MKKS: variants seen among roughly 807,000 people sequenced by gnomAD.
The protein encoded by MKKS is molecular chaperone MKKS.
In MKKS, 29 loss-of-function variants were observed where a neutral mutation model predicts 33.2. That is an observed-to-expected ratio of 0.87 (90% CI 0.65 to 1.19). The LOEUF (loss-of-function observed/expected upper bound fraction) is 1.19, where lower values mean the gene tolerates loss of function less well. Ranked by LOEUF, MKKS falls within the 50% of genes most tolerant of loss-of-function variation. The pLI, the probability that MKKS is intolerant of heterozygous loss-of-function variation, is 0.00. For missense variants in MKKS, 661 were observed against 662.3 expected (o/e 1.00, Z 0.02); for synonymous variants, 260 against 244.0 (o/e 1.07, Z -0.61).
chr20:10,408,828 C>A, intron 3 of MKKS, 25 bp from the exon 4 acceptor site: 2 of 1,581,222 alleles, frequency 1.3e-6, no homozygotes, highest in South Asian at 2.2e-5. Context: ...TTAGAAAATA[C>A]AAGTTGTATA....
chr20:10,407,622 T>C lies in MKKS; in HGVS notation c.1266A>G (p.Arg422=), dbSNP rs1424059028. 1.9e-6 allele frequency: 3 copies of C among 1,613,124 alleles called. No homozygotes were observed. Among genetic ancestry groups the C allele is most frequent in the Non-Finnish European group, 1.7e-6 (2 of 1,179,094 alleles). ...CTETHLAAYI[R]HKTHNDPESI... ...AGAGGATTATCTTACATACCTTGTG[T>C]CTGATATATGCAGCCAAATGAGTTT... The change falls in exon 5 of 6, where the codon AGA becomes AGG. Residue 422 remains arginine, a synonymous_variant. Transcript: ENST00000347364.
At position 10,413,354 on chromosome 20, in the gene MKKS, A is replaced by C. The variant is rs568798307; in HGVS notation, c.161T>G (p.Val54Gly). ...KQLHNGFGGY[V>G]CTTSQSSALL... ...AGCTGAGGACTGTGAGGTTGTACAC[A>C]CGTAACCTCCAAAGCCATTGTGCAG... Residue 54 changes from valine to glycine, a missense_variant, in exon 3 of 6, where the codon GTG (valine) becomes GGG (glycine). Val to Gly is a moderately radical substitution (Grantham distance 109, BLOSUM62 -3). Coordinates refer to ENST00000347364, the MANE Select transcript of MKKS (RefSeq NM_170784.3). The C allele has an allele frequency of 1.9e-6, 3 of 1,613,960 alleles. No homozygotes were observed. The East Asian group carries it at 6.7e-5, about 36-fold the overall frequency.
At position 10,434,201 on chromosome 20, in the gene MKKS, C is replaced by T. The variant is rs1232365597; in HGVS notation, c.-742G>A. ...CCGCTGCTGCCGCGGATCCCGACAA[C>T]CTTCGCGTCGCGCGAGGGCACGGAG... On this transcript the variant is annotated 5_prime_UTR_variant, in exon 1 of 6. Coordinates refer to ENST00000347364, the MANE Select transcript of MKKS (RefSeq NM_170784.3). The T allele has an allele frequency of 2.6e-5, 4 of 152,282 alleles. No individual in the cohort carries two copies. Among genetic ancestry groups the T allele is most frequent in the Non-Finnish European group, 5.9e-5 (4 of 68,094 alleles). 9.4% of individuals were successfully genotyped at this position (152,282 alleles called of 1,614,324 possible). A position where few individuals can be genotyped will look rare whatever the true frequency, so the allele number is the denominator to read the frequency against.
chr20:10,430,937 T>C (rs565640260), intron 1 of MKKS, among the ~76,000 whole-genome samples: 3 of 152,210 alleles, frequency 2.0e-5, no homozygotes, highest in African/African-American at 4.8e-5. Context: ...AGCAAAAGCA[T>C]TGAGTAATGG....
At chr20:10,423,207 G>A (rs1406727285) in intron 1 of MKKS, among the ~76,000 whole-genome samples, 1 of 152,080 alleles carries the variant, frequency 6.6e-6, no homozygotes, top group Non-Finnish European at 1.5e-5. Context: ...GGGAGCCTGA[G>A]GTGGGCGGAT....
chr20:10,414,254 G>A (rs1032614738), intron 2 of MKKS, among the ~76,000 whole-genome samples: 1 of 150,178 alleles, frequency 6.7e-6, no homozygotes, highest in Non-Finnish European at 1.5e-5. Context: ...CAGAGAATTA[G>A]GTCTCTGAGT....
Position 10,412,888 on chromosome 20 carries a change from A to T in MKKS, c.627T>A (p.Val209=). The part of the protein sequence containing the change: ...SLIVPLKGQR[V]IDSTVLPGIL... Reference sequence around the variant, plus strand: ...TCCCAGGTAATACAGTGGAATCTATAACTCTTTGACCTTTTAAAGGTACAA... The same window carrying T: ...TCCCAGGTAATACAGTGGAATCTATTACTCTTTGACCTTTTAAAGGTACAA... Residue 209 remains valine (V), a synonymous_variant, in exon 3 of 6, where the codon GTT becomes GTA. Coordinates refer to ENST00000347364, the MANE Select transcript of MKKS (RefSeq NM_170784.3). 1 of 1,614,096 alleles carries T rather than the reference A, an allele frequency of 6.2e-7. No homozygotes were observed. The highest frequency in any genetic ancestry group is 8.5e-7 in the Non-Finnish European group (1 of 1,179,980).
At position 10,402,782 on chromosome 20, in the gene MKKS, A is replaced by G. The variant is rs1387717665; in HGVS notation, c.*2465T>C. The G allele has an allele frequency of 6.6e-6, 1 of 152,256 alleles. No homozygotes were observed. The highest frequency in any genetic ancestry group is 1.9e-4 in the East Asian group (1 of 5,198). 9.4% of individuals were successfully genotyped at this position (152,256 alleles called of 1,614,324 possible). The stretch of plus-strand genomic sequence containing the variant: ...CTTCTTTTAGGTTGGGGTGATGATA[A>G]AAATGCAAAGGCATGGCATCAAGAA... On this transcript the variant is annotated 3_prime_UTR_variant, in exon 6 of 6. Transcript: ENST00000347364.
rs186701115 is a variant in MKKS at position 10,428,422 on chromosome 20, G to T, written c.-649+5686C>A. 6.4e-4 allele frequency among the ~76,000 whole-genome samples: 97 copies of T among 152,316 alleles called. 1 individual carries two copies. Among genetic ancestry groups the T allele is most frequent in the African/African-American group, 2.3e-3 (95 of 41,574 alleles). ...CATTTCTACCCTTCATCATTTTCAAGATTTTAATTGTATGCTCCACCTTCA... is the reference window on the plus strand; with the variant it reads ...CATTTCTACCCTTCATCATTTTCAATATTTTAATTGTATGCTCCACCTTCA... On this transcript the variant is annotated intron_variant, in intron 1 of 5. Transcript: ENST00000347364.
rs2064898254 is a variant in MKKS at position 10,412,622 on chromosome 20, T to C, written c.893A>G (p.His298Arg). ...VDLVLCQKVIHPSLKQFLNMH... is the reference protein window; with the variant it reads ...VDLVLCQKVIRPSLKQFLNMH... The stretch of plus-strand genomic sequence containing the variant: ...ATTGAGAAACTGCTTCAAAGATGGA[T>C]GTATAACTTTTTGGCACAGGACAAG... Residue 298 changes from histidine (H) to arginine (R), a missense_variant, in exon 3 of 6, where the codon CAT (histidine) becomes CGT (arginine). Transcript: ENST00000347364. 1 of 1,614,192 alleles carries C rather than the reference T, an allele frequency of 6.2e-7. No individual in the cohort carries two copies. The highest frequency in any genetic ancestry group is 8.5e-7 in the Non-Finnish European group (1 of 1,180,040).
intron 5 of MKKS, among the ~76,000 whole-genome samples, chr20:10,406,609 AAT>A (rs1181444876): frequency 6.6e-6 from 1 of 152,212 alleles, no homozygotes; most frequent in Non-Finnish European, 1.5e-5. Flanking sequence ...CATTTCTCAG[AAT>A]ATATCTTTGT....
chr20:10,410,686 G>A (rs2064877772), intron 3 of MKKS, among the ~76,000 whole-genome samples: 1 of 152,128 alleles, frequency 6.6e-6, no homozygotes, highest in Admixed American at 6.5e-5. Context: ...CCCATCCACA[G>A]TAACACCCAC....
rs554395344 is a variant in MKKS, at chr20:10,405,265, A to G, written c.1695T>C (p.Val565=). 11 of 1,612,142 alleles carry G rather than the reference A, an allele frequency of 6.8e-6. 1 individual carries two copies. The African/African-American group carries it at 1.1e-4, about 16-fold the overall frequency. ...TATTCTCTTAGTTTTTATCTTCAAT[A>G]ACATATGAAAGATCCAAAATCAAAT... ...TANLILDLSY[V]IEDKN Residue 565 remains valine, a synonymous_variant, in exon 6 of 6, where the codon GTT becomes GTC. Coordinates refer to ENST00000347364, the MANE Select transcript of MKKS (RefSeq NM_170784.3).
At chr20:10,407,116 TTATAA>T (rs1208523658) in intron 5 of MKKS, among the ~76,000 whole-genome samples, 1 of 152,198 alleles carries the variant, frequency 6.6e-6, no homozygotes, top group African/African-American at 2.4e-5. Flanking sequence ...AATTTTAAAA[TTATAA>T]TAGAATCTAA....
At position 10,405,110 on chromosome 20, in the gene MKKS, G is replaced by T; in HGVS notation, c.*137C>A. 1 of 628,688 alleles carries T rather than the reference G, an allele frequency of 1.6e-6. No homozygotes were observed. Among genetic ancestry groups the T allele is most frequent in the Non-Finnish European group, 2.6e-6 (1 of 378,866 alleles). The allele number at this position is 628,688 out of a possible 1,614,324, so 38.9% of individuals were successfully genotyped here. A position where few individuals can be genotyped will look rare whatever the true frequency, so the allele number is the denominator to read the frequency against. On this transcript the variant is annotated 3_prime_UTR_variant, in exon 6 of 6. Coordinates refer to ENST00000347364, the MANE Select transcript of MKKS (RefSeq NM_170784.3). Reference sequence around the variant, plus strand: ...GAATCACCTTTTTTCCTAAATAAGTGTATCTATAATTTTATGAGTCATTTG... The same window carrying T: ...GAATCACCTTTTTTCCTAAATAAGTTTATCTATAATTTTATGAGTCATTTG...
chr20:10,431,414 G>C (rs1461261329), intron 1 of MKKS, among the ~76,000 whole-genome samples: 3 of 151,988 alleles, frequency 2.0e-5, no homozygotes, highest in South Asian at 2.1e-4. Flanking sequence ...CTAGCCTCAG[G>C]GGGGAACTAC....
At chr20:10,420,996 T>A (rs765017910) in intron 1 of MKKS, among the ~76,000 whole-genome samples, 1 of 152,176 alleles carries the variant, frequency 6.6e-6, no homozygotes, top group Non-Finnish European at 1.5e-5. Flanking sequence ...TTGGCAACAA[T>A]TGCAAAGGAG....
At position 10,427,029 on chromosome 20, in the gene MKKS, G is replaced by GACACACACACACACACAC. The variant is rs377703248; in HGVS notation, c.-648-6289_-648-6272dup. 7.8e-3 allele frequency among the ~76,000 whole-genome samples: 1,015 copies of GACACACACACACACACAC among 130,744 alleles called. 17 individuals carry two copies. Among genetic ancestry groups the GACACACACACACACACAC allele is most frequent in the Non-Finnish European group, 0.011 (707 of 63,706 alleles). The allele number at this position is 130,744 out of a possible 152,430, so 85.8% of individuals were successfully genotyped here. On this transcript the variant is annotated intron_variant, in intron 1 of 5. Coordinates refer to ENST00000347364, the MANE Select transcript of MKKS (RefSeq NM_170784.3). ...TTAAAGGCCAAGAAAAGAAAACACT[G>GACACACACACACACACAC]ACACACACACACACACACACACACA... is the stretch of plus-strand genomic sequence containing the variant.
At position 10,401,133 on chromosome 20, in the gene MKKS, A is replaced by G. The variant is rs1282093353; in HGVS notation, c.*4114T>C. The G allele has an allele frequency of 2.0e-5, 3 of 152,330 alleles. No individual in the cohort carries two copies. The highest frequency in any genetic ancestry group is 1.9e-4 in the East Asian group (1 of 5,188). The allele number at this position is 152,330 out of a possible 1,614,324, so 9.4% of individuals were successfully genotyped here. A position where few individuals can be genotyped will look rare whatever the true frequency, so the allele number is the denominator to read the frequency against. On this transcript the variant is annotated 3_prime_UTR_variant, in exon 6 of 6. Transcript: ENST00000347364. ...TTCATTACAGGTAATATAGTATTCTATGGATTTTAGTGCGCCAAGACTAAT... is the reference window on the plus strand; with the variant it reads ...TTCATTACAGGTAATATAGTATTCTGTGGATTTTAGTGCGCCAAGACTAAT...
Sources: allele counts gnomAD v4.1 joint callset (sites outside exome capture counted in the v4.1 genomes callset), GRCh38; gene constraint gnomAD v4.1.1; transcripts MANE v1.5; gene names NCBI Gene and HGNC (gene_info 2026-07-23, HGNC 2026-07-21).